FOXN3: variants seen among roughly 807,000 people sequenced by gnomAD.
FOXN3 encodes the protein forkhead box N3.
In FOXN3, 7 loss-of-function variants were observed where a neutral mutation model predicts 38.4. That is an observed-to-expected ratio of 0.18 (90% CI 0.10 to 0.34). The LOEUF is 0.34. FOXN3 is among the 10% of genes least tolerant of loss of function. FOXN3 has a pLI of 1.00. For synonymous variants in FOXN3, 230 were observed against 242.2 expected, an observed-to-expected ratio of 0.95 and a Z score of 0.47; for missense variants, 456 against 613.4, an observed-to-expected ratio of 0.74 and a Z score of 2.71.
chr14:89,560,409 C>T (rs887569419), intron 1 of FOXN3, among the ~76,000 whole-genome samples: 31 of 152,194 alleles, frequency 2.0e-4, no homozygotes, highest in African/African-American at 7.5e-4. Flanking sequence ...AGGCCACCCC[C>T]TCAAAGGGAC....
intron 4 of FOXN3, among the ~76,000 whole-genome samples, chr14:89,194,737 G>A (rs531280858): frequency 1.3e-5 from 2 of 149,434 alleles, no homozygotes; most frequent in East Asian, 3.9e-4. Flanking sequence ...AACACTAGAT[G>A]GATATAATTT....
At chr14:89,220,434 T>C (rs1884427729) in intron 4 of FOXN3, among the ~76,000 whole-genome samples, 1 of 152,152 alleles carries the variant, frequency 6.6e-6, no homozygotes, top group East Asian at 1.9e-4. Flanking sequence ...TGCACCATCT[T>C]CAGATCTAAA....
intron 1 of FOXN3, among the ~76,000 whole-genome samples, chr14:89,613,116 CAAAAAAAAAAAA>C (rs10581958): frequency 8.0e-5 from 6 of 74,594 alleles, no homozygotes; most frequent in Admixed American, 1.5e-4. Context: ...GACTCTGTCT[CAAAAAAAAAAAA>C]AAAAAAAAAA....
At chr14:89,425,486 GC>G (rs1892007416) in intron 1 of FOXN3, among the ~76,000 whole-genome samples, 1 of 151,566 alleles carries the variant, frequency 6.6e-6, no homozygotes, top group Non-Finnish European at 1.5e-5. Context: ...TCCTGCCTCA[GC>G]CACCTGAGTA....
At chr14:89,457,405 A>C (rs186320882) in intron 1 of FOXN3, among the ~76,000 whole-genome samples, 1 of 152,142 alleles carries the variant, frequency 6.6e-6, no homozygotes, top group African/African-American at 2.4e-5. Flanking sequence ...CAATGAATGC[A>C]TAGTGGCTGC....
chr14:89,186,236 G>T (rs1485400738), intron 4 of FOXN3, among the ~76,000 whole-genome samples: 2 of 152,146 alleles, frequency 1.3e-5, no homozygotes, highest in African/African-American at 4.8e-5. Context: ...TCTTCCCTCT[G>T]CTGTGCCTGG....
intron 5 of FOXN3, among the ~76,000 whole-genome samples, chr14:89,170,496 T>C (rs1887361206): frequency 6.6e-6 from 1 of 152,216 alleles, no homozygotes; most frequent in African/African-American, 2.4e-5. Context: ...AGACTGGTCT[T>C]GAACTTGTGG....
chr14:89,179,580 G>T (rs1427549197), intron 5 of FOXN3, among the ~76,000 whole-genome samples: 1 of 152,224 alleles, frequency 6.6e-6, no homozygotes, highest in Middle Eastern at 3.4e-3. Flanking sequence ...ATAGTGATGC[G>T]GCATCAGACA....
intron 1 of FOXN3, among the ~76,000 whole-genome samples, chr14:89,552,714 C>T (rs1258515797): frequency 2.0e-5 from 3 of 152,178 alleles, no homozygotes; most frequent in African/African-American, 7.2e-5. Flanking sequence ...CAAAAGTTAG[C>T]TGAGCGTGGT....
intron 2 of FOXN3, chr14:89,351,014 C>T: frequency 2.7e-6 from 1 of 374,124 alleles, no homozygotes; most frequent in South Asian, 1.1e-4. Context: ...GCAAAATGAA[C>T]ATATTATTAC....
chr14:89,365,865 T>C (rs951325324), intron 2 of FOXN3, among the ~76,000 whole-genome samples: 5 of 152,174 alleles, frequency 3.3e-5, no homozygotes, highest in Non-Finnish European at 7.4e-5. Context: ...AAAGTACACA[T>C]GGAGAGATTT....
intron 4 of FOXN3, among the ~76,000 whole-genome samples, chr14:89,242,697 C>T (rs911340348): frequency 2.0e-5 from 3 of 151,934 alleles, no homozygotes; most frequent in Admixed American, 6.6e-5. Context: ...GCTTAAGTAC[C>T]GGGAAAAGGC....
At chr14:89,460,544 T>C (rs1892824387) in intron 1 of FOXN3, among the ~76,000 whole-genome samples, 1 of 152,146 alleles carries the variant, frequency 6.6e-6, no homozygotes, top group Non-Finnish European at 1.5e-5. Flanking sequence ...AACGTTAGCC[T>C]GCATCCAGGA....
intron 1 of FOXN3, among the ~76,000 whole-genome samples, chr14:89,464,606 T>A (rs1048420244): frequency 6.6e-6 from 1 of 152,150 alleles, no homozygotes; most frequent in Admixed American, 6.5e-5. Flanking sequence ...TGAATTGCAG[T>A]TCTCATAATC....
At chr14:89,429,874 G>C (rs1166593942) in intron 1 of FOXN3, among the ~76,000 whole-genome samples, 2 of 152,172 alleles carry the variant, frequency 1.3e-5, no homozygotes, top group Non-Finnish European at 2.9e-5. Context: ...TTTAAACACA[G>C]ACATCGCTGG....
At chr14:89,587,564 G>A (rs551577290) in intron 1 of FOXN3, among the ~76,000 whole-genome samples, 2 of 152,204 alleles carry the variant, frequency 1.3e-5, no homozygotes, top group Non-Finnish European at 2.9e-5. Context: ...ATTTATCTCC[G>A]GGGAAAAAAG....
chr14:89,534,059 G>A (rs571769742), intron 1 of FOXN3, among the ~76,000 whole-genome samples: 7 of 147,816 alleles, frequency 4.7e-5, no homozygotes, highest in East Asian at 3.9e-4. Flanking sequence ...CTTCCCCCCC[G>A]CCACCCACTA....
chr14:89,216,762 C>G (rs189011825), intron 4 of FOXN3, among the ~76,000 whole-genome samples: 1 of 152,338 alleles, frequency 6.6e-6, no homozygotes, highest in East Asian at 1.9e-4. Flanking sequence ...ATCACTTCCC[C>G]AGACTTTCTT....
At chr14:89,469,909 G>A (rs1023561476) in intron 1 of FOXN3, among the ~76,000 whole-genome samples, 6 of 152,220 alleles carry the variant, frequency 3.9e-5, no homozygotes, top group Non-Finnish European at 7.3e-5. Context: ...CGAGTTGGTC[G>A]CCACGGGCTT....
Sources: allele counts gnomAD v4.1 joint callset (sites outside exome capture counted in the v4.1 genomes callset), GRCh38; gene constraint gnomAD v4.1.1; transcripts MANE v1.5; gene names NCBI Gene and HGNC (gene_info 2026-07-23, HGNC 2026-07-21).